Variants in FSTL4 observed in about 807,000 individuals in gnomAD.
FSTL4 encodes follistatin like 4.
Under a neutral mutation model 78.2 loss-of-function variants are expected in FSTL4, and 28 were observed. The observed-to-expected ratio is 0.36, with a 90% CI of 0.27 to 0.49. The LOEUF is 0.49. FSTL4 is among the 20% of genes least tolerant of loss of function. FSTL4 has a pLI of 0.98. For missense variants in FSTL4, 922 were observed against 1,084.9 expected, an observed-to-expected ratio of 0.85 and a Z score of 2.11; for synonymous variants, 422 against 440.5, an observed-to-expected ratio of 0.96 and a Z score of 0.53.
intron 3 of FSTL4, among the ~76,000 whole-genome samples, chr5:133,520,229 C>T (rs1758948467): frequency 6.6e-6 from 1 of 152,120 alleles, no homozygotes; most frequent in African/African-American, 2.4e-5. Context: ...GGAGAGCTCT[C>T]AGAATTTGTC....
At chr5:133,828,327 T>A in the FSTL4 span, among the ~76,000 whole-genome samples, 6 of 152,180 alleles carry the variant, frequency 3.9e-5, no homozygotes, top group Admixed American at 3.3e-4. Context: ...GCCTAGTGGA[T>A]CCTAAAGTTT....
chr5:133,465,729 G>A (rs1757693767), intron 3 of FSTL4, among the ~76,000 whole-genome samples: 1 of 152,362 alleles, frequency 6.6e-6, no homozygotes, highest in East Asian at 1.9e-4. Context: ...AGGTGGGCCT[G>A]GGTGACAGCG....
At chr5:133,427,595 T>G (rs750429817) in intron 3 of FSTL4, 2 of 508,746 alleles carry the variant, frequency 3.9e-6, no homozygotes, top group South Asian at 2.9e-5. Flanking sequence ...AGGGCGGGAA[T>G]GGCGGGGGCG....
At chr5:133,452,120 A>G in intron 3 of FSTL4, among the ~76,000 whole-genome samples, 1 of 152,200 alleles carries the variant, frequency 6.6e-6, no homozygotes, top group East Asian at 1.9e-4. Context: ...CAGAGGATGG[A>G]GCCCTCCCAA....
the FSTL4 span, among the ~76,000 whole-genome samples, chr5:133,625,726 T>TATATATATTCC: frequency 1.7e-4 from 11 of 63,510 alleles, 1 homozygote; most frequent in Non-Finnish European, 1.8e-4. Flanking sequence ...GACAGTTCCA[T>TATATATATTCC]ATATATATAT....
At chr5:133,449,620 C>G (rs1757342316) in intron 3 of FSTL4, among the ~76,000 whole-genome samples, 5 of 152,102 alleles carry the variant, frequency 3.3e-5, no homozygotes, top group Admixed American at 3.3e-4. Flanking sequence ...GAGAGCCTTC[C>G]TCAAGCAACC....
At chr5:133,220,179 T>G (rs1399623247) in intron 12 of FSTL4, among the ~76,000 whole-genome samples, 1 of 152,248 alleles carries the variant, frequency 6.6e-6, no homozygotes, top group Non-Finnish European at 1.5e-5. Context: ...TATGGGGCAT[T>G]GACATGACCC....
intron 2 of FSTL4, among the ~76,000 whole-genome samples, chr5:133,573,680 G>A (rs114557856): frequency 0.016 from 2,377 of 152,208 alleles, 63 homozygotes; most frequent in African/African-American, 0.053. Context: ...GAGGAAAAAA[G>A]CATCAGTAAG....
chr5:133,667,848 A>T, the FSTL4 span, among the ~76,000 whole-genome samples: 2 of 152,244 alleles, frequency 1.3e-5, no homozygotes, highest in Non-Finnish European at 1.5e-5. Context: ...AGGGATGTTC[A>T]TCTGTTTTAT....
intron 4 of FSTL4, chr5:133,387,742 A>C (rs899162130): frequency 6.6e-6 from 1 of 152,184 alleles, no homozygotes; most frequent in Non-Finnish European, 1.5e-5. Flanking sequence ...AGGAAGACAC[A>C]CTATGACCCG....
intron 6 of FSTL4, among the ~76,000 whole-genome samples, chr5:133,261,433 A>G (rs986467423): frequency 1.7e-4 from 26 of 152,112 alleles, no homozygotes; most frequent in African/African-American, 6.0e-4. Flanking sequence ...AGCCGAGAAG[A>G]CCCCAGAAAA....
At chr5:133,573,085 A>T (rs189301674) in intron 2 of FSTL4, among the ~76,000 whole-genome samples, 65 of 152,160 alleles carry the variant, frequency 4.3e-4, no homozygotes, top group Middle Eastern at 3.4e-3. Flanking sequence ...TCTACTAAAA[A>T]TACAAAAAAT....
intron 6 of FSTL4, among the ~76,000 whole-genome samples, chr5:133,269,184 CAAAAAAAAA>C (rs869156118): frequency 1.7e-5 from 1 of 58,990 alleles, no homozygotes; most frequent in Non-Finnish European, 4.5e-5. Flanking sequence ...GACTCCATCT[CAAAAAAAAA>C]AAAAAAAAAA....
intron 2 of FSTL4, among the ~76,000 whole-genome samples, chr5:133,595,243 C>T (rs984935314): frequency 3.9e-5 from 6 of 152,154 alleles, no homozygotes; most frequent in African/African-American, 1.4e-4. Flanking sequence ...TTCTCTGAAG[C>T]CTCTCCTGGT....
chr5:133,657,855 T>G, the FSTL4 span, among the ~76,000 whole-genome samples: 7 of 151,396 alleles, frequency 4.6e-5, no homozygotes, highest in African/African-American at 1.7e-4. Flanking sequence ...TAGGGACACC[T>G]GGGCTCCCTT....
chr5:133,249,604 C>A, intron 6 of FSTL4, 28 bp from the exon 7 acceptor site: 2 of 1,589,954 alleles, frequency 1.3e-6, no homozygotes, highest in South Asian at 1.1e-5. Flanking sequence ...GAGGCACGGT[C>A]AGGTGCAGGC....
chr5:133,348,797 C>T (rs540196606), intron 4 of FSTL4, among the ~76,000 whole-genome samples: 2 of 152,272 alleles, frequency 1.3e-5, no homozygotes, highest in African/African-American at 4.8e-5. Flanking sequence ...ATAGAACTTG[C>T]CACACTGGGT....
the FSTL4 span, among the ~76,000 whole-genome samples, chr5:133,749,218 G>A: frequency 2.0e-5 from 3 of 152,166 alleles, no homozygotes; most frequent in African/African-American, 7.2e-5. Flanking sequence ...CCGGGGACAG[G>A]GGTACAGTTT....
intron 7 of FSTL4, among the ~76,000 whole-genome samples, chr5:133,234,327 A>G (rs1245154152): frequency 2.0e-5 from 3 of 152,248 alleles, no homozygotes; most frequent in Admixed American, 1.3e-4. Flanking sequence ...AAATGGCTCA[A>G]TAAGCCTCAG....
Sources: gnomAD v4.1 joint callset for allele counts (sites outside exome capture counted in the v4.1 genomes callset) on GRCh38, gnomAD v4.1.1 for gene constraint, MANE v1.5 for transcripts, NCBI Gene and HGNC (gene_info 2026-07-23, HGNC 2026-07-21) for gene names.